The following PLCL1 variants were observed in gnomAD, a reference collection of about 807,000 sequenced individuals.
PLCL1 encodes inactive phospholipase C-like protein 1.
Under a neutral mutation model 84.4 loss-of-function variants are expected in PLCL1, and 41 were observed. That is an observed-to-expected ratio of 0.49 (90% CI 0.38 to 0.63). The LOEUF (loss-of-function observed/expected upper bound fraction) is 0.63, where lower values mean the gene tolerates loss of function less well. PLCL1 is among the 30% of genes least tolerant of loss of function. The pLI, the probability that PLCL1 is intolerant of heterozygous loss-of-function variation, is 0.00. For synonymous variants in PLCL1, 490 were observed against 488.3 expected, an observed-to-expected ratio of 1.00 and a Z score of -0.05; for missense variants, 1,206 against 1,367.8, an observed-to-expected ratio of 0.88 and a Z score of 1.87.
At position 197,964,828 on chromosome 2, in the gene PLCL1, A is replaced by T. The variant is rs1850632; in HGVS notation, c.241-118930A>T. ...GGATTTTATCAAATGCTTTTTCAGC[A>T]TCAATTGAAATAATCATATGTTTTT... On this transcript the variant is annotated intron_variant, in intron 1 of 5. Transcript: ENST00000428675. Among the ~76,000 whole-genome samples, 440 of 152,310 alleles carry T rather than the reference A, an allele frequency of 2.9e-3. 1 individual carries two copies. The highest frequency in any genetic ancestry group is 4.7e-3 in the Non-Finnish European group (322 of 68,018).
At chr2:197,919,454 G>C (rs1688664896) in intron 1 of PLCL1, among the ~76,000 whole-genome samples, 1 of 152,190 alleles carries the variant, frequency 6.6e-6, no homozygotes, top group African/African-American at 2.4e-5. Context: ...AATCAAGATA[G>C]TTATTGGAAG....
chr2:197,980,320 G>A (rs766246386), intron 1 of PLCL1, among the ~76,000 whole-genome samples: 9 of 152,134 alleles, frequency 5.9e-5, no homozygotes, highest in Non-Finnish European at 1.0e-4. Context: ...GAGAGGAAGC[G>A]GAGATTAAGT....
At chr2:197,936,762 C>T (rs1295432185) in intron 1 of PLCL1, among the ~76,000 whole-genome samples, 1 of 151,998 alleles carries the variant, frequency 6.6e-6, no homozygotes, top group Non-Finnish European at 1.5e-5. Flanking sequence ...TATGTAATTC[C>T]GTTTGTCTAT....
At chr2:198,077,430 A>G (rs547857967) in intron 1 of PLCL1, among the ~76,000 whole-genome samples, 1 of 152,276 alleles carries the variant, frequency 6.6e-6, no homozygotes, top group African/African-American at 2.4e-5. Flanking sequence ...CAGTAAGCTT[A>G]TCTTCAGATC....
rs553829115 is a variant in PLCL1, at chr2:197,905,951, A to G, written c.240+100612A>G. On this transcript the variant is annotated intron_variant, in intron 1 of 5. Coordinates refer to ENST00000428675, the MANE Select transcript of PLCL1 (RefSeq NM_006226.4). Reference sequence around the variant, plus strand: ...TTGTAAATTTGTTTAAGTTCTTTGTAGATTCTGGATATTAGCCCTTTGTCA... The same window carrying G: ...TTGTAAATTTGTTTAAGTTCTTTGTGGATTCTGGATATTAGCCCTTTGTCA... 2.6e-5 allele frequency among the ~76,000 whole-genome samples: 4 copies of G among 152,154 alleles called. No homozygotes were observed. The South Asian group carries it at 8.3e-4, about 32-fold the overall frequency.
chr2:198,007,887 G>A (rs1690768029), intron 1 of PLCL1, among the ~76,000 whole-genome samples: 1 of 152,128 alleles, frequency 6.6e-6, no homozygotes, highest in African/African-American at 2.4e-5. Flanking sequence ...TTTACAGGGA[G>A]AGGGAAATAA....
intron 1 of PLCL1, among the ~76,000 whole-genome samples, chr2:197,981,510 G>T (rs549629430): frequency 3.2e-4 from 49 of 152,276 alleles, no homozygotes; most frequent in Admixed American, 9.8e-4. Flanking sequence ...TTATTTGCAT[G>T]TAAATCATAT....
At chr2:197,937,212 TG>T (rs1299121674) in intron 1 of PLCL1, among the ~76,000 whole-genome samples, 1 of 152,194 alleles carries the variant, frequency 6.6e-6, no homozygotes, top group African/African-American at 2.4e-5. Context: ...AATCAAGAAG[TG>T]GGCTTCCAGC....
chr2:198,030,095 G>A (rs1202080424), intron 1 of PLCL1, among the ~76,000 whole-genome samples: 7 of 152,010 alleles, frequency 4.6e-5, no homozygotes. Flanking sequence ...CTGCACAGCT[G>A]TCATCACCCA....
intron 1 of PLCL1, among the ~76,000 whole-genome samples, chr2:197,937,320 T>C (rs1225475590): frequency 1.3e-5 from 2 of 152,242 alleles, no homozygotes; most frequent in African/African-American, 2.4e-5. Flanking sequence ...GAAATGTCAT[T>C]GAAATTTTGG....
chr2:197,955,732 G>A (rs1689476217), intron 1 of PLCL1, among the ~76,000 whole-genome samples: 1 of 151,700 alleles, frequency 6.6e-6, no homozygotes, highest in South Asian at 2.1e-4. Context: ...GCCATTTTAT[G>A]GCTGCATAGT....
At chr2:198,066,530 T>C (rs935516970) in intron 1 of PLCL1, among the ~76,000 whole-genome samples, 9 of 152,226 alleles carry the variant, frequency 5.9e-5, no homozygotes, top group Non-Finnish European at 1.0e-4. Context: ...TCTCTTGCAA[T>C]CACCAAGTGG....
rs118019094 is a variant in PLCL1 at position 198,106,748 on chromosome 2, T to G, written c.3105+2812T>G. On this transcript the variant is annotated intron_variant, in intron 5 of 5. Transcript: ENST00000428675. ...TGATCAGCACTCAAGGCTAGGTACT[T>G]TATGTACATTTCCCCTTTCTTCCTT... Among the ~76,000 whole-genome samples the G allele has an allele frequency of 3.0e-4, 46 of 151,996 alleles. No homozygotes were observed. In the East Asian group the frequency reaches 8.6e-3, roughly 28 times the overall value.
chr2:198,094,794 A>T (rs1262276055), intron 3 of PLCL1, among the ~76,000 whole-genome samples: 1 of 152,160 alleles, frequency 6.6e-6, no homozygotes, highest in Admixed American at 6.5e-5. Context: ...GGTTGCTCAA[A>T]GAATTGCAAT....
intron 1 of PLCL1, among the ~76,000 whole-genome samples, chr2:197,885,760 T>G (rs913961958): frequency 1.3e-5 from 2 of 152,226 alleles, no homozygotes; most frequent in Admixed American, 1.3e-4. Flanking sequence ...ATTCAGGGCT[T>G]GACATGTGCT....
intron 1 of PLCL1, among the ~76,000 whole-genome samples, chr2:197,874,325 C>T (rs1002572137): frequency 5.9e-5 from 9 of 151,740 alleles, no homozygotes; most frequent in African/African-American, 2.2e-4. Context: ...AAAAAAGTAA[C>T]TTTAAAAATT....
chr2:198,065,056 G>T (rs1692292374), intron 1 of PLCL1, among the ~76,000 whole-genome samples: 1 of 152,160 alleles, frequency 6.6e-6, no homozygotes. Context: ...TCTGTAGACT[G>T]CATTGTAGGG....
At chr2:198,140,659 T>C (rs1694364469) in intron 5 of PLCL1, among the ~76,000 whole-genome samples, 1 of 152,160 alleles carries the variant, frequency 6.6e-6, no homozygotes, top group Non-Finnish European at 1.5e-5. Context: ...CAGAGTATGA[T>C]TTCAAAATTT....
intron 5 of PLCL1, among the ~76,000 whole-genome samples, chr2:198,123,558 A>C (rs1437595484): frequency 6.6e-6 from 1 of 152,040 alleles, no homozygotes; most frequent in Non-Finnish European, 1.5e-5. Flanking sequence ...CCATCTATAT[A>C]AGCCAAGCAG....
Sources: allele counts gnomAD v4.1 joint callset (sites outside exome capture counted in the v4.1 genomes callset), GRCh38; gene constraint gnomAD v4.1.1; transcripts MANE v1.5; gene names NCBI Gene and HGNC (gene_info 2026-07-23, HGNC 2026-07-21).